FARP1: variants seen among roughly 807,000 people sequenced by gnomAD.
FARP1 encodes FERM, ARH/RhoGEF and pleckstrin domain protein 1.
FARP1 carries 52 observed loss-of-function variants against 128.8 expected under a neutral mutation model. That is an observed-to-expected ratio of 0.40 (90% CI 0.32 to 0.51). The LOEUF (loss-of-function observed/expected upper bound fraction) is 0.51. FARP1 is among the 20% of genes least tolerant of loss of function. The pLI is 0.45. For synonymous variants in FARP1, 580 were observed against 551.8 expected, an observed-to-expected ratio of 1.05 and a Z score of -0.72; for missense variants, 1,333 against 1,367.9, an observed-to-expected ratio of 0.97 and a Z score of 0.40.
Position 98,360,001 on chromosome 13 carries a change from C to T in FARP1, c.277-5394C>T, listed in dbSNP as rs149309816. 1.1e-4 allele frequency among the ~76,000 whole-genome samples: 17 copies of T among 151,766 alleles called. No homozygotes were observed. In the East Asian group the frequency reaches 1.4e-3, roughly 12 times the overall value. On this transcript the variant is annotated intron_variant, in intron 3 of 26. Coordinates refer to ENST00000319562, the MANE Select transcript of FARP1 (RefSeq NM_005766.4). ...GCTGAATTATGGAAGAACAGTGCTA[C>T]GGGCTGAATTTGTCCCCTCCAAAAT...
intron 1 of FARP1, among the ~76,000 whole-genome samples, chr13:98,203,271 G>A (rs1566735867): frequency 1.3e-5 from 2 of 152,170 alleles, no homozygotes; most frequent in Admixed American, 6.5e-5. Flanking sequence ...TCGTAACTTT[G>A]ACCTGTTTCA....
chr13:98,404,991 T>G (rs1890919946), intron 13 of FARP1: 1 of 152,194 alleles, frequency 6.6e-6, no homozygotes, highest in Non-Finnish European at 1.5e-5. Flanking sequence ...ACAGGACAGG[T>G]ACAGTTAAGT....
At chr13:98,340,431 G>A (rs571597456) in intron 2 of FARP1, among the ~76,000 whole-genome samples, 20 of 148,550 alleles carry the variant, frequency 1.3e-4, no homozygotes, top group African/African-American at 5.0e-4. Context: ...TGCAACCTCC[G>A]CCTCCCAGGT....
rs767635095 is a variant in FARP1 at position 98,390,805 on chromosome 13, G to C, written c.1020-7G>C. ...TCTCCCCTTCCCTGTTGTGGTCTCT[G>C]TTTCAGTGGTCGGACTCAGAAGCAG... is the stretch of plus-strand genomic sequence containing the variant. On this transcript the variant is annotated splice_polypyrimidine_tract_variant and splice_region_variant and intron_variant, in intron 10 of 26. Transcript: ENST00000319562. 1 of 1,611,092 alleles carries C rather than the reference G, an allele frequency of 6.2e-7. No individual in the cohort carries two copies. Among genetic ancestry groups the C allele is most frequent in the Non-Finnish European group, 8.5e-7 (1 of 1,177,378 alleles).
chr13:98,236,215 C>G (rs1416510502), intron 2 of FARP1, among the ~76,000 whole-genome samples: 2 of 152,094 alleles, frequency 1.3e-5, no homozygotes, highest in Non-Finnish European at 2.9e-5. Context: ...GGCATTTTTT[C>G]TTCTTCAAAA....
chr13:98,279,583 T>A (rs1884833475), intron 2 of FARP1, among the ~76,000 whole-genome samples: 1 of 152,202 alleles, frequency 6.6e-6, no homozygotes, highest in Non-Finnish European at 1.5e-5. Context: ...TTAATTAACT[T>A]ACTAGCCACA....
chr13:98,235,248 C>T (rs1344600301), intron 2 of FARP1, among the ~76,000 whole-genome samples: 1 of 152,090 alleles, frequency 6.6e-6, no homozygotes, highest in African/African-American at 2.4e-5. Context: ...GGCAATACCC[C>T]CAGAGCCACA....
Position 98,453,346 on chromosome 13 carries a change from G to T in FARP1, c.*5029G>T. The T allele has an allele frequency of 4.8e-6, 4 of 837,506 alleles. No homozygotes were observed. The highest frequency in any genetic ancestry group is 7.5e-6 in the Non-Finnish European group (4 of 530,982). 51.9% of individuals were successfully genotyped at this position (837,506 alleles called of 1,614,324 possible). ...AAATAAGTGGAGCAAATATCAATGT[G>T]TAAGTCTAATTTTAAAAGAATGCAT... On this transcript the variant is annotated 3_prime_UTR_variant, in exon 27 of 27. Transcript: ENST00000319562.
chr13:98,346,043 A>G (rs1888164615), intron 3 of FARP1, among the ~76,000 whole-genome samples: 1 of 152,146 alleles, frequency 6.6e-6, no homozygotes, highest in Non-Finnish European at 1.5e-5. Context: ...TTGTTCACCC[A>G]AAGGCACACA....
chr13:98,339,910 G>A (rs1408988634), intron 2 of FARP1, among the ~76,000 whole-genome samples: 1 of 152,060 alleles, frequency 6.6e-6, no homozygotes, highest in Non-Finnish European at 1.5e-5. Context: ...GGGGCGGCAA[G>A]GCTGCAGGTT....
At chr13:98,230,034 G>A (rs1383631605) in intron 2 of FARP1, among the ~76,000 whole-genome samples, 1 of 152,172 alleles carries the variant, frequency 6.6e-6, no homozygotes, top group Admixed American at 6.5e-5. Context: ...CAGCCTGATG[G>A]TCACTGGTCG....
At chr13:98,252,219 C>T (rs1192775428) in intron 2 of FARP1, among the ~76,000 whole-genome samples, 1 of 152,132 alleles carries the variant, frequency 6.6e-6, no homozygotes, top group Non-Finnish European at 1.5e-5. Flanking sequence ...GTTATAATGA[C>T]TTTATTATCA....
Position 98,391,006 on chromosome 13 carries a change from G to C in FARP1, c.1088+126G>C, listed in dbSNP as rs577529382. 20 of 697,866 alleles carry C rather than the reference G, an allele frequency of 2.9e-5. No individual in the cohort carries two copies. In the South Asian group the frequency reaches 3.4e-4, roughly 12 times the overall value. The allele number at this position is 697,866 out of a possible 1,614,324, so 43.2% of individuals were successfully genotyped here. A position where few individuals can be genotyped will look rare whatever the true frequency, so the allele number is the denominator to read the frequency against. On this transcript the variant is annotated intron_variant, in intron 11 of 26. Coordinates refer to ENST00000319562, the MANE Select transcript of FARP1 (RefSeq NM_005766.4). Reference sequence around the variant, plus strand: ...GATGTCCCTTGAGTTGTAAATGATAGTCTCAGTCATCCTCAGCAAGTCCAG... The same window carrying C: ...GATGTCCCTTGAGTTGTAAATGATACTCTCAGTCATCCTCAGCAAGTCCAG...
chr13:98,380,617 A>C (rs1889856928), intron 6 of FARP1, among the ~76,000 whole-genome samples: 1 of 152,140 alleles, frequency 6.6e-6, no homozygotes, highest in Non-Finnish European at 1.5e-5. Context: ...TCTGTCACCC[A>C]GATTGGAGCG....
chr13:98,357,429 T>C lies in FARP1; in HGVS notation c.277-7966T>C, dbSNP rs541014010. ...GGCTGCTTAAAGTGTTCTACAGTTT[T>C]GTTGCTTTTTAAATTTTGTGTGTGT... On this transcript the variant is annotated intron_variant, in intron 3 of 26. Transcript: ENST00000319562. Among the ~76,000 whole-genome samples, 6 of 152,346 alleles carry C rather than the reference T, an allele frequency of 3.9e-5. No individual in the cohort carries two copies. In the South Asian group the frequency reaches 1.2e-3, roughly 32 times the overall value.
intron 2 of FARP1, among the ~76,000 whole-genome samples, chr13:98,214,277 TCTGG>T (rs1317443416): frequency 1.3e-5 from 2 of 152,118 alleles, no homozygotes; most frequent in Non-Finnish European, 2.9e-5. Context: ...AGTGGGAGTG[TCTGG>T]CTGGCTAAGC....
intron 18 of FARP1, 181 bp downstream of exon 18, chr13:98,431,461 ATTTTTT>A: frequency 1.2e-5 from 4 of 338,770 alleles, no homozygotes; most frequent in Non-Finnish European, 5.2e-6. Flanking sequence ...TTACATCTTG[ATTTTTT>A]TTTTTTTTTT....
intron 2 of FARP1, chr13:98,334,374 A>G (rs1016716647): frequency 2.0e-5 from 3 of 152,148 alleles, no homozygotes; most frequent in African/African-American, 7.2e-5. Flanking sequence ...GGCTTCTAAT[A>G]TACTTTTGAT....
In FARP1 at chr13:98,431,274, T is replaced by C. The variant is rs756525308; in HGVS notation, c.2137T>C (p.Cys713Arg). ...GCCGAGCCACGCCGACTTCAGGGAC[T>C]GCCGAGGTGAGTGCTGGGAGCCTGC... is the stretch of plus-strand genomic sequence containing the variant. Reference protein sequence around the residue: ...HPPSHADFRDCRAALAEITEM... With the variant: ...HPPSHADFRDRRAALAEITEM... The change falls in exon 18 of 27, where the codon TGC becomes CGC. Residue 713 changes from cysteine (C) to arginine (R), a missense_variant. By Grantham distance (180) the Cys-to-Arg change is radical (BLOSUM62 -3). Coordinates refer to ENST00000319562, the MANE Select transcript of FARP1 (RefSeq NM_005766.4). The C allele has an allele frequency of 6.3e-6, 10 of 1,585,488 alleles. No homozygotes were observed. The highest frequency in any genetic ancestry group is 6.9e-6 in the Non-Finnish European group (8 of 1,166,582).
Sources: gnomAD v4.1 joint callset for allele counts (sites outside exome capture counted in the v4.1 genomes callset) on GRCh38, gnomAD v4.1.1 for gene constraint, MANE v1.5 for transcripts, NCBI Gene and HGNC (gene_info 2026-07-23, HGNC 2026-07-21) for gene names.